The following RPN1 variants were observed in gnomAD, a reference collection of about 807,000 sequenced individuals.
RPN1 encodes ribophorin I, also known as dolichyl-diphosphooligosaccharide--protein glycosyltransferase subunit 1.
A neutral mutation model predicts 55.5 loss-of-function variants in RPN1; 12 were observed. The observed-to-expected ratio is 0.22, with a 90% CI of 0.14 to 0.35. The LOEUF (loss-of-function observed/expected upper bound fraction) is 0.35. Among genes scored for constraint, RPN1 ranks in the 10% least tolerant of loss-of-function variants. The pLI, the probability that RPN1 is intolerant of heterozygous loss-of-function variation, is 1.00. For missense variants in RPN1, 679 were observed against 761.3 expected (o/e 0.89, Z 1.27); for synonymous variants, 317 against 305.9 (o/e 1.04, Z -0.38).
chr3:128,620,302 C>T lies in RPN1; in HGVS notation c.*109G>A, dbSNP rs2069549444. The T allele has an allele frequency of 2.0e-6, 2 of 987,846 alleles. No homozygotes were observed. Among genetic ancestry groups the T allele is most frequent in the Admixed American group, 2.9e-5 (1 of 33,918 alleles). The allele number at this position is 987,846 out of a possible 1,614,324, so 61.2% of individuals were successfully genotyped here. A position where few individuals can be genotyped will look rare whatever the true frequency, so the allele number is the denominator to read the frequency against. On this transcript the variant is annotated 3_prime_UTR_variant, in exon 10 of 10. Coordinates refer to ENST00000296255, the MANE Select transcript of RPN1 (RefSeq NM_002950.4). ...GTTTCTCTTCCTTGAAGGCCTTTTACAGATGTCAGCTTTCACTGGCCTCCA... is the reference window on the plus strand; with the variant it reads ...GTTTCTCTTCCTTGAAGGCCTTTTATAGATGTCAGCTTTCACTGGCCTCCA...
chr3:128,639,054 A>G (rs2069705217), intron 2 of RPN1, among the ~76,000 whole-genome samples: 1 of 152,252 alleles, frequency 6.6e-6, no homozygotes, highest in Non-Finnish European at 1.5e-5. Flanking sequence ...GGCAGTCATT[A>G]GAAATATGGC....
In RPN1 at chr3:128,650,627, C is replaced by A; in HGVS notation, c.174G>T (p.Leu58=). 6.4e-7 allele frequency: 1 copy of A among 1,553,938 alleles called. No individual in the cohort carries two copies. Among genetic ancestry groups the A allele is most frequent in the Non-Finnish European group, 8.7e-7 (1 of 1,148,706 alleles). The change falls in exon 1 of 10, where the codon CTG becomes CTT. Residue 58 remains leucine, a synonymous_variant. Coordinates refer to ENST00000296255, the MANE Select transcript of RPN1 (RefSeq NM_002950.4). ...TAGCTCGGGACGTGGAGCCGCCGCC[C>A]AGGTGCGCCAGGACCACCTCGGCCG... ...KVTAEVVLAH[L]GGGSTSRATS... is the part of the protein sequence containing the mutation.
chr3:128,630,697 T>C (rs938662266), intron 4 of RPN1, among the ~76,000 whole-genome samples: 3 of 152,194 alleles, frequency 2.0e-5, no homozygotes, highest in Non-Finnish European at 2.9e-5. Context: ...ATATGCAATA[T>C]GATAAAATGT....
rs1204953371 is a variant in RPN1, at chr3:128,631,873, G to C, written c.843+75C>G. ...AAACAACTGCCTAAATATTTAGCTA[G>C]TTTCGAAAAGCAAAGAATAGGTAGC... On this transcript the variant is annotated intron_variant, in intron 4 of 9. Transcript: ENST00000296255. 7 of 1,511,712 alleles carry C rather than the reference G, an allele frequency of 4.6e-6. No individual in the cohort carries two copies. In the East Asian group the frequency reaches 1.4e-4, roughly 29 times the overall value. The allele number at this position is 1,511,712 out of a possible 1,614,324, so 93.6% of individuals were successfully genotyped here. A position where few individuals can be genotyped will look rare whatever the true frequency, so the allele number is the denominator to read the frequency against.
At chr3:128,626,917 G>T in intron 5 of RPN1, 85 bp from the exon 6 acceptor site, 1 of 1,269,430 alleles carries the variant, frequency 7.9e-7, no homozygotes, top group Non-Finnish European at 1.1e-6. Context: ...CTCACATAAA[G>T]ACAGAGCAAG....
intron 3 of RPN1, among the ~76,000 whole-genome samples, chr3:128,633,883 T>C (rs2069658755): frequency 6.6e-6 from 1 of 151,824 alleles, no homozygotes; most frequent in African/African-American, 2.4e-5. Flanking sequence ...CTAAGGAGGC[T>C]GAGGTAGGAG....
chr3:128,622,081 G>C (rs1404858427), intron 9 of RPN1, 83 bp downstream of exon 9: 1 of 1,358,208 alleles, frequency 7.4e-7, no homozygotes, highest in African/African-American at 1.4e-5. Context: ...GTAAGCAAGA[G>C]AGCTGCCCAG....
At chr3:128,625,777 G>C in intron 7 of RPN1, 97 bp downstream of exon 7, 1 of 1,560,068 alleles carries the variant, frequency 6.4e-7, no homozygotes, top group Non-Finnish European at 8.8e-7. Flanking sequence ...GAGCTCAAAT[G>C]ACTCCAGCCC....
chr3:128,621,476 A>G (rs1246746134), intron 9 of RPN1, among the ~76,000 whole-genome samples: 2 of 152,234 alleles, frequency 1.3e-5, no homozygotes, highest in Non-Finnish European at 2.9e-5. Flanking sequence ...CATGGGCGAC[A>G]GAGTGAAACC....
At chr3:128,649,691 A>G (rs1034919126) in intron 1 of RPN1, among the ~76,000 whole-genome samples, 4 of 152,186 alleles carry the variant, frequency 2.6e-5, no homozygotes, top group African/African-American at 9.6e-5. Context: ...TTTACTCCCA[A>G]ACCCAACATT....
At chr3:128,639,661 C>T (rs2069710281) in intron 2 of RPN1, among the ~76,000 whole-genome samples, 1 of 151,834 alleles carries the variant, frequency 6.6e-6, no homozygotes, top group South Asian at 2.1e-4. Context: ...AATCTTGGCT[C>T]ACCGCAACCT....
chr3:128,641,733 C>T (rs934527535), intron 2 of RPN1, among the ~76,000 whole-genome samples: 7 of 151,754 alleles, frequency 4.6e-5, no homozygotes, highest in Admixed American at 1.3e-4. Flanking sequence ...CTCAGCCTCC[C>T]GAGTAGCTGG....
chr3:128,635,441 G>C (rs112918834), intron 3 of RPN1, among the ~76,000 whole-genome samples: 5 of 151,514 alleles, frequency 3.3e-5, no homozygotes, highest in Admixed American at 1.3e-4. Context: ...GATGGGACTA[G>C]AGTTGAGTGC....
At position 128,637,958 on chromosome 3, in the gene RPN1, C is replaced by T. The variant is rs183835062; in HGVS notation, c.474G>A (p.Gly158=). ...GATAGGGAGAGTAGAAATAATGGTT[C>T]CCCTCAAACACCACAAACTGTTTCT... The part of the protein sequence containing the change: ...QSEKQFVVFE[G]NHYFYSPYPT... Residue 158 remains glycine (G), a synonymous_variant, in exon 3 of 10, where the codon GGG becomes GGA. Coordinates refer to ENST00000296255, the MANE Select transcript of RPN1 (RefSeq NM_002950.4). The T allele has an allele frequency of 1.3e-4, 205 of 1,614,190 alleles. No individual in the cohort carries two copies. In the East Asian group the frequency reaches 4.1e-3, roughly 32 times the overall value.
intron 8 of RPN1, among the ~76,000 whole-genome samples, chr3:128,624,511 A>G (rs1432316753): frequency 6.6e-6 from 1 of 151,228 alleles, no homozygotes; most frequent in Non-Finnish European, 1.5e-5. Flanking sequence ...GAAAAGAAAA[A>G]AATCTGCATA....
At chr3:128,623,259 A>C (rs2107712994) in intron 8 of RPN1, among the ~76,000 whole-genome samples, 1 of 152,232 alleles carries the variant, frequency 6.6e-6, no homozygotes, top group East Asian at 1.9e-4. Flanking sequence ...TATTTTGGCC[A>C]GGTGCAGTGG....
rs1340415954 is a variant in RPN1, at chr3:128,625,968, T to G, written c.1181A>C (p.Asp394Ala). 6.2e-7 allele frequency: 1 copy of G among 1,612,754 alleles called. No individual in the cohort carries two copies. The highest frequency in any genetic ancestry group is 8.5e-7 in the Non-Finnish European group (1 of 1,179,616). Residue 394 changes from aspartate to alanine, a missense_variant, in exon 7 of 10, where the codon GAT (aspartate) becomes GCT (alanine). This residue lies in a region of RPN1 where 306 missense variants were observed against 360.0 expected (regional missense o/e 0.85). Coordinates refer to ENST00000296255, the MANE Select transcript of RPN1 (RefSeq NM_002950.4). ...GTCCAGATAGGTGTAGTGCAGCTCA[T>G]CTGGGGCACGGCTGATTTCATAGGG... is the stretch of plus-strand genomic sequence containing the variant. ...DSPYEISRAP[D>A]ELHYTYLDTF...
intron 2 of RPN1, among the ~76,000 whole-genome samples, chr3:128,638,851 A>G (rs1023946836): frequency 5.3e-5 from 8 of 152,120 alleles, no homozygotes; most frequent in Non-Finnish European, 8.8e-5. Flanking sequence ...CTGTAGTCCC[A>G]GCTACTTGAG....
intron 4 of RPN1, 47 bp downstream of exon 4, chr3:128,631,893 GGTAGCTGT>G: frequency 6.3e-7 from 1 of 1,586,598 alleles, no homozygotes; most frequent in South Asian, 1.1e-5. Context: ...GCAAAGAATA[GGTAGCTGT>G]GATAAAGTCC....
Sources: allele counts gnomAD v4.1 joint callset (sites outside exome capture counted in the v4.1 genomes callset), GRCh38; gene constraint gnomAD v4.1.1; regional missense constraint gnomAD v4.1.1; transcripts MANE v1.5; gene names NCBI Gene and HGNC (gene_info 2026-07-23, HGNC 2026-07-21).